LRFN5: variants seen among roughly 807,000 people sequenced by gnomAD.
LRFN5 encodes leucine-rich repeat and fibronectin type-III domain-containing protein 5.
Under a neutral mutation model 45.6 loss-of-function variants are expected in LRFN5, and 24 were observed. That is an observed-to-expected ratio of 0.53 (90% CI 0.38 to 0.74). The LOEUF is 0.74. LRFN5 is among the 30% of genes least tolerant of loss of function. The pLI, the probability that LRFN5 is intolerant of heterozygous loss-of-function variation, is 0.00. For missense variants in LRFN5, 776 were observed against 861.5 expected, an observed-to-expected ratio of 0.90 and a Z score of 1.24; for synonymous variants, 340 against 313.8, an observed-to-expected ratio of 1.08 and a Z score of -0.88.
At chr14:41,654,068 G>T (rs1469751527) in intron 1 of LRFN5, among the ~76,000 whole-genome samples, 1 of 151,970 alleles carries the variant, frequency 6.6e-6, no homozygotes, top group African/African-American at 2.4e-5. Flanking sequence ...GGAAGGGGGA[G>T]GGATAGCATT....
intron 2 of LRFN5, among the ~76,000 whole-genome samples, chr14:41,804,963 G>A (rs1887468184): frequency 1.3e-5 from 2 of 151,930 alleles, no homozygotes; most frequent in Middle Eastern, 3.4e-3. Flanking sequence ...TGTTATATTA[G>A]CTATTAATTG....
At chr14:41,769,249 T>G (rs762950179) in intron 2 of LRFN5, among the ~76,000 whole-genome samples, 1 of 152,216 alleles carries the variant, frequency 6.6e-6, no homozygotes, top group Non-Finnish European at 1.5e-5. Flanking sequence ...AGAATAATGA[T>G]GCAATGGAAT....
chr14:41,757,816 G>T (rs1885476281), intron 1 of LRFN5, among the ~76,000 whole-genome samples: 1 of 152,138 alleles, frequency 6.6e-6, no homozygotes, highest in East Asian at 1.9e-4. Flanking sequence ...ACCTCAGTTG[G>T]AAATGCAGAA....
chr14:41,764,988 G>C (rs1420968391), intron 1 of LRFN5, among the ~76,000 whole-genome samples: 3 of 152,098 alleles, frequency 2.0e-5, no homozygotes, highest in Non-Finnish European at 4.4e-5. Flanking sequence ...GATGTGCACT[G>C]TTAGAATGGA....
chr14:41,899,062 T>G (rs1031753016), intron 5 of LRFN5, 102 bp downstream of exon 5: 11 of 921,820 alleles, frequency 1.2e-5, no homozygotes, highest in African/African-American at 1.1e-4. Context: ...TGTAGCTTGT[T>G]GAAATTTTCT....
intron 1 of LRFN5, among the ~76,000 whole-genome samples, chr14:41,650,181 G>A (rs1428999935): frequency 6.7e-6 from 1 of 148,916 alleles, no homozygotes; most frequent in African/African-American, 2.5e-5. Context: ...ATTACTTGAG[G>A]TCAGGTGTTC....
intron 1 of LRFN5, among the ~76,000 whole-genome samples, chr14:41,654,194 T>C (rs1360601362): frequency 6.6e-6 from 1 of 151,816 alleles, no homozygotes; most frequent in Non-Finnish European, 1.5e-5. Context: ...ACTTAAAGTA[T>C]AATAATAATA....
intron 2 of LRFN5, among the ~76,000 whole-genome samples, chr14:41,781,678 GAAAGAGAAAGAAAGAA>G (rs1329777135): frequency 4.7e-5 from 7 of 150,104 alleles, no homozygotes; most frequent in African/African-American, 1.5e-4. Flanking sequence ...AAGAAAGAAA[GAAAGAGAAAGAAAGAA>G]AAAGAGAAAG....
chr14:41,726,729 C>T (rs988844653), intron 1 of LRFN5, among the ~76,000 whole-genome samples: 2 of 152,004 alleles, frequency 1.3e-5, no homozygotes, highest in African/African-American at 4.8e-5. Flanking sequence ...GCACATTATT[C>T]ATTATAGTTA....
At chr14:41,811,421 T>A (rs530108528) in intron 2 of LRFN5, among the ~76,000 whole-genome samples, 1 of 152,180 alleles carries the variant, frequency 6.6e-6, no homozygotes, top group African/African-American at 2.4e-5. Flanking sequence ...GCCTTGGGTA[T>A]ACATACTCAA....
At chr14:41,856,778 G>A (rs1444705485) in intron 2 of LRFN5, among the ~76,000 whole-genome samples, 8 of 138,846 alleles carry the variant, frequency 5.8e-5, no homozygotes, top group South Asian at 2.5e-4. Context: ...CCGGGTTCAC[G>A]CCATTCTCCT....
intron 2 of LRFN5, among the ~76,000 whole-genome samples, chr14:41,779,358 T>C (rs1886403058): frequency 6.6e-6 from 1 of 151,894 alleles, no homozygotes; most frequent in Admixed American, 6.6e-5. Flanking sequence ...TTTTCATCCA[T>C]TGTTTGTTCA....
chr14:41,762,193 C>A (rs998948994), intron 1 of LRFN5, among the ~76,000 whole-genome samples: 2 of 150,670 alleles, frequency 1.3e-5, no homozygotes, highest in Admixed American at 1.3e-4. Flanking sequence ...TACAGTATCC[C>A]TTAATGTTAT....
chr14:41,690,655 A>G (rs1882340133), intron 1 of LRFN5, among the ~76,000 whole-genome samples: 1 of 152,210 alleles, frequency 6.6e-6, no homozygotes, highest in Non-Finnish European at 1.5e-5. Context: ...TTAATAAAGG[A>G]CATCTATGAA....
At chr14:41,867,027 A>G (rs977856775) in intron 2 of LRFN5, among the ~76,000 whole-genome samples, 25 of 152,120 alleles carry the variant, frequency 1.6e-4, no homozygotes, top group African/African-American at 6.0e-4. Flanking sequence ...AATCACGAAG[A>G]ACTGTCTTCC....
rs1342989061 is a variant in LRFN5 at position 41,794,063 on chromosome 14, T to G, written c.-21+27034T>G. 2.6e-5 allele frequency among the ~76,000 whole-genome samples: 4 copies of G among 152,158 alleles called. No homozygotes were observed. The South Asian group carries it at 8.3e-4, about 32-fold the overall frequency. Reference sequence around the variant, plus strand: ...TCATTATTATCTTCCTTTATTCCAGTGCTTTGGTTCTGCCCATATCAACTC... The same window carrying G: ...TCATTATTATCTTCCTTTATTCCAGGGCTTTGGTTCTGCCCATATCAACTC... On this transcript the variant is annotated intron_variant, in intron 2 of 5. Transcript: ENST00000298119.
intron 2 of LRFN5, among the ~76,000 whole-genome samples, chr14:41,806,516 A>T (rs551433676): frequency 6.6e-6 from 1 of 152,180 alleles, no homozygotes; most frequent in Non-Finnish European, 1.5e-5. Flanking sequence ...TTGAGTAACT[A>T]AAAGCTTTGC....
chr14:41,775,671 A>G (rs1409325702), intron 2 of LRFN5, among the ~76,000 whole-genome samples: 1 of 152,244 alleles, frequency 6.6e-6, no homozygotes. Context: ...ATTTTAACGC[A>G]GAAATCATCC....
intron 5 of LRFN5, among the ~76,000 whole-genome samples, chr14:41,903,174 T>C (rs1891152073): frequency 6.6e-6 from 1 of 151,512 alleles, no homozygotes; most frequent in Non-Finnish European, 1.5e-5. Context: ...TTAAATAAAA[T>C]ATCTTTACAG....
Sources: allele counts gnomAD v4.1 joint callset (sites outside exome capture counted in the v4.1 genomes callset), GRCh38; gene constraint gnomAD v4.1.1; transcripts MANE v1.5; gene names NCBI Gene and HGNC (gene_info 2026-07-23, HGNC 2026-07-21).